Variants in TMEM132D observed in about 807,000 individuals in gnomAD.
TMEM132D encodes the protein mature OL transmembrane protein.
A neutral mutation model predicts 62.3 loss-of-function variants in TMEM132D; 21 were observed. That is an observed-to-expected ratio of 0.34 (90% CI 0.24 to 0.49). TMEM132D has a LOEUF of 0.49. Ranked by LOEUF, TMEM132D falls within the 20% of genes least tolerant of loss-of-function variation. The probability of loss-of-function intolerance (pLI) is 0.99; values close to 1 mark genes in which losing one functional copy is unlikely to be tolerated. For missense variants in TMEM132D, 1,346 were observed against 1,402.8 expected (o/e 0.96, Z 0.65); for synonymous variants, 621 against 575.6 (o/e 1.08, Z -1.13).
intron 1 of TMEM132D, among the ~76,000 whole-genome samples, chr12:129,707,526 A>G (rs760174275): frequency 6.6e-6 from 1 of 152,174 alleles, no homozygotes; most frequent in Non-Finnish European, 1.5e-5. Context: ...ATTTTTCTAT[A>G]GAATATCTTA....
At chr12:129,744,005 G>A (rs1006729915) in intron 1 of TMEM132D, among the ~76,000 whole-genome samples, 1 of 152,202 alleles carries the variant, frequency 6.6e-6, no homozygotes, top group Non-Finnish European at 1.5e-5. Context: ...TACAGCAGCA[G>A]TAGGGAACCT....
intron 4 of TMEM132D, among the ~76,000 whole-genome samples, chr12:129,227,762 C>A (rs1311608455): frequency 6.6e-6 from 1 of 152,026 alleles, no homozygotes; most frequent in East Asian, 1.9e-4. Flanking sequence ...CCCCACCCCA[C>A]AACAGGCCCT....
At chr12:129,284,632 C>T (rs1368819422) in intron 4 of TMEM132D, among the ~76,000 whole-genome samples, 1 of 152,188 alleles carries the variant, frequency 6.6e-6, no homozygotes, top group African/African-American at 2.4e-5. Flanking sequence ...ATGGCAGGAC[C>T]ATGTACAATA....
chr12:129,825,897 C>G (rs1279745243), intron 1 of TMEM132D, among the ~76,000 whole-genome samples: 1 of 152,014 alleles, frequency 6.6e-6, no homozygotes, highest in East Asian at 1.9e-4. Context: ...GACCCTATCT[C>G]TACAAAAAAA....
chr12:129,592,002 T>G (rs1878202710), intron 2 of TMEM132D, among the ~76,000 whole-genome samples: 1 of 152,212 alleles, frequency 6.6e-6, no homozygotes, highest in Admixed American at 6.5e-5. Flanking sequence ...ATTGAAAACT[T>G]ATCTAGATAA....
chr12:129,786,092 C>T (rs1871241045), intron 1 of TMEM132D, among the ~76,000 whole-genome samples: 1 of 152,170 alleles, frequency 6.6e-6, no homozygotes, highest in Admixed American at 6.5e-5. Context: ...GTGCCCCTCT[C>T]AGCTCAGCAT....
At chr12:129,351,468 C>A (rs1869859228) in intron 3 of TMEM132D, among the ~76,000 whole-genome samples, 1 of 152,100 alleles carries the variant, frequency 6.6e-6, no homozygotes, top group Non-Finnish European at 1.5e-5. Flanking sequence ...GGCAGGTAGG[C>A]TTACAAAACC....
intron 2 of TMEM132D, among the ~76,000 whole-genome samples, chr12:129,575,379 C>A (rs1877632697): frequency 6.6e-6 from 1 of 151,802 alleles, no homozygotes; most frequent in African/African-American, 2.4e-5. Context: ...CGGCTGTCTG[C>A]TGAAATAATT....
intron 7 of TMEM132D, among the ~76,000 whole-genome samples, chr12:129,079,295 G>A (rs1002291196): frequency 3.9e-5 from 6 of 152,124 alleles, no homozygotes; most frequent in Admixed American, 1.3e-4. Context: ...GAAACGCAGC[G>A]CATGATGCCT....
intron 5 of TMEM132D, among the ~76,000 whole-genome samples, chr12:129,153,257 T>G (rs970557585): frequency 6.6e-6 from 1 of 152,102 alleles, no homozygotes; most frequent in African/African-American, 2.4e-5. Flanking sequence ...CGCGATAGAA[T>G]GCAGTAGCCG....
At chr12:129,576,806 G>T (rs563627535) in intron 2 of TMEM132D, among the ~76,000 whole-genome samples, 9 of 151,896 alleles carry the variant, frequency 5.9e-5, no homozygotes, top group Non-Finnish European at 5.9e-5. Flanking sequence ...ATATGTATTA[G>T]ATACTGTATT....
At chr12:129,429,829 G>A (rs535292334) in intron 3 of TMEM132D, among the ~76,000 whole-genome samples, 8 of 149,120 alleles carry the variant, frequency 5.4e-5, no homozygotes, top group Admixed American at 2.7e-4. Context: ...GAGAACACGC[G>A]GTGTTTGGTT....
chr12:129,121,169 C>T (rs1007968046), intron 5 of TMEM132D, among the ~76,000 whole-genome samples: 49 of 152,086 alleles, frequency 3.2e-4, no homozygotes, highest in African/African-American at 9.9e-4. Flanking sequence ...AATCTCGGCT[C>T]ACTGCAACCT....
intron 3 of TMEM132D, among the ~76,000 whole-genome samples, chr12:129,377,017 C>A (rs1870800557): frequency 6.6e-6 from 1 of 152,208 alleles, no homozygotes; most frequent in Non-Finnish European, 1.5e-5. Flanking sequence ...TCCTGAACCA[C>A]TTCTGGTTTG....
intron 1 of TMEM132D, among the ~76,000 whole-genome samples, chr12:129,813,821 T>C (rs147392762): frequency 0.025 from 3,860 of 151,988 alleles, 78 homozygotes; most frequent in South Asian, 0.052. Flanking sequence ...ACAGGAAAGT[T>C]ATGGAAAATA....
At chr12:129,621,562 T>C (rs1879069109) in intron 2 of TMEM132D, among the ~76,000 whole-genome samples, 2 of 152,152 alleles carry the variant, frequency 1.3e-5, no homozygotes, top group African/African-American at 4.8e-5. Flanking sequence ...ATTAACATTC[T>C]CTCCCCACTC....
chr12:129,711,889 T>G (rs146663959), intron 1 of TMEM132D, among the ~76,000 whole-genome samples: 1 of 150,914 alleles, frequency 6.6e-6, no homozygotes, highest in Admixed American at 6.6e-5. Flanking sequence ...CAGGTAAAAG[T>G]TGATAGTGTC....
chr12:129,430,321 C>T (rs1367363209), intron 3 of TMEM132D, among the ~76,000 whole-genome samples: 1 of 152,138 alleles, frequency 6.6e-6, no homozygotes, highest in Non-Finnish European at 1.5e-5. Flanking sequence ...ATTTGCATTT[C>T]TCTGATGGCC....
intron 2 of TMEM132D, among the ~76,000 whole-genome samples, chr12:129,548,562 G>A (rs1876803191): frequency 6.6e-6 from 1 of 152,152 alleles, no homozygotes; most frequent in South Asian, 2.1e-4. Context: ...TAGGACCTAG[G>A]TAATGGCCTG....
Sources: allele counts gnomAD v4.1 joint callset (sites outside exome capture counted in the v4.1 genomes callset), GRCh38; gene constraint gnomAD v4.1.1; transcripts MANE v1.5; gene names NCBI Gene and HGNC (gene_info 2026-07-23, HGNC 2026-07-21).